Variants in ITGA9 observed in about 807,000 individuals in gnomAD.
ITGA9 encodes integrin subunit alpha 9.
ITGA9 carries 56 observed loss-of-function variants against 127.8 expected under a neutral mutation model. The ratio of observed to expected loss-of-function variants is 0.44; its 90% CI spans 0.35 to 0.55. ITGA9 has a LOEUF of 0.55. Ranked by LOEUF, ITGA9 falls within the 20% of genes least tolerant of loss-of-function variation. The pLI is 0.00. For missense variants in ITGA9, 1,196 were observed against 1,347.1 expected, an observed-to-expected ratio of 0.89 and a Z score of 1.76; for synonymous variants, 508 against 514.5, an observed-to-expected ratio of 0.99 and a Z score of 0.17.
At chr3:37,783,297 C>T (rs1303841653) in intron 25 of ITGA9, among the ~76,000 whole-genome samples, 6 of 151,982 alleles carry the variant, frequency 3.9e-5, no homozygotes, top group South Asian at 2.1e-4. Context: ...TCATCATTAT[C>T]GTTATTAATA....
intron 25 of ITGA9, among the ~76,000 whole-genome samples, chr3:37,782,458 C>T (rs540716825): frequency 3.6e-5 from 5 of 139,794 alleles, no homozygotes; most frequent in African/African-American, 9.8e-5. Context: ...CCAGTAGAGC[C>T]GCAGGCAAGA....
intron 25 of ITGA9, among the ~76,000 whole-genome samples, chr3:37,781,691 G>A (rs1415771170): frequency 1.3e-5 from 2 of 152,188 alleles, no homozygotes; most frequent in African/African-American, 4.8e-5. Flanking sequence ...TAGCCTCAGA[G>A]ATTCCAATTA....
rs1165205191 is a variant in ITGA9 at position 37,799,404 on chromosome 3, A to C, written c.2890-4419A>C. ...ATGTTGGCCAGACTGGTCAAGTATGAACATTTTCAGATGAGCAATAATGAG... is the reference window on the plus strand; with the variant it reads ...ATGTTGGCCAGACTGGTCAAGTATGCACATTTTCAGATGAGCAATAATGAG... On this transcript the variant is annotated intron_variant, in intron 26 of 27. Coordinates refer to ENST00000264741, the MANE Select transcript of ITGA9 (RefSeq NM_002207.3). This position sits in a 1 kb window ranked among gnomAD's most constrained non-coding sequence, Gnocchi z 4.0. Among the ~76,000 whole-genome samples the C allele has an allele frequency of 6.6e-6, 1 of 152,118 alleles. No homozygotes were observed. Among genetic ancestry groups the C allele is most frequent in the African/African-American group, 2.4e-5 (1 of 41,432 alleles).
At chr3:37,726,817 G>A (rs992357411) in intron 18 of ITGA9, among the ~76,000 whole-genome samples, 1 of 152,234 alleles carries the variant, frequency 6.6e-6, no homozygotes, top group African/African-American at 2.4e-5. Context: ...ACGGAAATGA[G>A]TACGCATAAA....
At chr3:37,479,680 G>A (rs1184436816) in intron 3 of ITGA9, among the ~76,000 whole-genome samples, 1 of 152,208 alleles carries the variant, frequency 6.6e-6, no homozygotes, top group Non-Finnish European at 1.5e-5. Flanking sequence ...CACCAGGCCT[G>A]CCCCAGGGGG....
In ITGA9 at chr3:37,452,390, G is replaced by A. The variant is rs1698201069; in HGVS notation, c.16G>A (p.Ala6Thr). The A allele has an allele frequency of 3.0e-6, 4 of 1,332,700 alleles. No individual in the cohort carries two copies. Among genetic ancestry groups the A allele is most frequent in the East Asian group, 3.3e-5 (1 of 29,866 alleles). 82.6% of individuals were successfully genotyped at this position (1,332,700 alleles called of 1,614,324 possible). ...CCGGCTGGGGATGGGCGGCCCGGCT[G>A]CGCCGAGGGGCGCCGGGAGGCTCCG... MGGPA[A>T]PRGAGRLRAL... Residue 6 changes from alanine (A) to threonine (T), a missense_variant, in exon 1 of 28, where the codon GCG (alanine) becomes ACG (threonine). Coordinates refer to ENST00000264741, the MANE Select transcript of ITGA9 (RefSeq NM_002207.3). This position sits in a 1 kb window ranked among gnomAD's most constrained non-coding sequence, Gnocchi z 7.3.
chr3:37,495,216 G>A (rs1698715592), intron 5 of ITGA9, among the ~76,000 whole-genome samples: 1 of 152,142 alleles, frequency 6.6e-6, no homozygotes, highest in African/African-American at 2.4e-5. Context: ...GCTTCCCAAA[G>A]TGCTAGGATT....
At chr3:37,735,693 C>G (rs1353818770) in intron 19 of ITGA9, among the ~76,000 whole-genome samples, 2 of 152,246 alleles carry the variant, frequency 1.3e-5, no homozygotes, top group African/African-American at 2.4e-5. Flanking sequence ...CTCCCACATT[C>G]TCACACATGC....
Position 37,452,549 on chromosome 3 carries a change from A to G in ITGA9, c.175A>G (p.Asn59Asp). ...GYAVLEHFHDNTRWVLVGAPK... is the reference protein window; with the variant it reads ...GYAVLEHFHDDTRWVLVGAPK... ...CGCAGTTCTGGAGCATTTCCACGAC[A>G]ACACGCGCTGGTGAGTGCCCGCCCG... Residue 59 changes from asparagine to aspartate, a missense_variant, in exon 1 of 28, where the codon AAC (asparagine) becomes GAC (aspartate). Transcript: ENST00000264741. This position sits in a 1 kb window ranked among gnomAD's most constrained non-coding sequence, Gnocchi z 7.3. 6.6e-6 allele frequency: 10 copies of G among 1,522,404 alleles called. No homozygotes were observed. The highest frequency in any genetic ancestry group is 8.8e-6 in the Non-Finnish European group (10 of 1,134,558). 94.3% of individuals were successfully genotyped at this position (1,522,404 alleles called of 1,614,324 possible). A position where few individuals can be genotyped will look rare whatever the true frequency, so the allele number is the denominator to read the frequency against.
intron 23 of ITGA9, among the ~76,000 whole-genome samples, chr3:37,764,393 T>C (rs1443669232): frequency 7.0e-6 from 1 of 142,084 alleles, no homozygotes; most frequent in Non-Finnish European, 1.5e-5. Flanking sequence ...TTAGTCCTAA[T>C]AATTTCTCTA....
chr3:37,500,772 G>T (rs1698779593), intron 5 of ITGA9, among the ~76,000 whole-genome samples: 1 of 152,160 alleles, frequency 6.6e-6, no homozygotes, highest in Admixed American at 6.5e-5. Flanking sequence ...AACCTGAAAA[G>T]ATCTGTTTCT....
chr3:37,553,110 A>T (rs1441785100), intron 15 of ITGA9, among the ~76,000 whole-genome samples: 1 of 152,086 alleles, frequency 6.6e-6, no homozygotes, highest in Non-Finnish European at 1.5e-5. Context: ...CTTCACCCAG[A>T]TTCCCTAAAT....
chr3:37,483,602 G>A (rs947651685), intron 4 of ITGA9, among the ~76,000 whole-genome samples: 1 of 152,228 alleles, frequency 6.6e-6, no homozygotes, highest in Non-Finnish European at 1.5e-5. Context: ...CCAGTGTGGA[G>A]CACACATCTA....
In ITGA9 at chr3:37,682,748, C is replaced by G. The variant is rs142650269; in HGVS notation, c.1917-1117C>G. Among the ~76,000 whole-genome samples the G allele has an allele frequency of 2.3e-3, 357 of 152,298 alleles. 1 individual carries two copies. The highest frequency in any genetic ancestry group is 8.0e-3 in the African/African-American group (333 of 41,564). ...CTCTTCTAGTTATTGAATCCAAAAT[C>G]CTTGAAGCAGTCCTTGACTCCTCTT... On this transcript the variant is annotated intron_variant, in intron 17 of 27. Transcript: ENST00000264741.
At chr3:37,604,312 A>T (rs186059196) in intron 15 of ITGA9, among the ~76,000 whole-genome samples, 2 of 152,354 alleles carry the variant, frequency 1.3e-5, no homozygotes, top group Non-Finnish European at 2.9e-5. Flanking sequence ...ATTTAGTCAG[A>T]CACATTTTTC....
At chr3:37,723,508 G>A (rs1019155868) in intron 18 of ITGA9, among the ~76,000 whole-genome samples, 2 of 152,074 alleles carry the variant, frequency 1.3e-5, no homozygotes, top group Admixed American at 1.3e-4. Flanking sequence ...CTACAGATGT[G>A]TGCTACTACA....
At chr3:37,570,635 C>T (rs1374013130) in intron 15 of ITGA9, among the ~76,000 whole-genome samples, 1 of 152,194 alleles carries the variant, frequency 6.6e-6, no homozygotes, top group East Asian at 1.9e-4. Context: ...AACATTTGCA[C>T]CTTTCACCAT....
At chr3:37,676,098 C>G (rs1020225831) in intron 17 of ITGA9, among the ~76,000 whole-genome samples, 2 of 152,162 alleles carry the variant, frequency 1.3e-5, no homozygotes, top group Admixed American at 1.3e-4. Context: ...GTCTACTTCA[C>G]AAGCAGTAAC....
chr3:37,732,819 CCTT>C (rs1696310132), intron 19 of ITGA9, 21 bp downstream of exon 19: 1 of 1,568,708 alleles, frequency 6.4e-7, no homozygotes, highest in Admixed American at 1.8e-5. Flanking sequence ...CAGACGGGAC[CCTT>C]CCTCAGCAGC....
Sources: allele counts gnomAD v4.1 joint callset (sites outside exome capture counted in the v4.1 genomes callset), GRCh38; gene constraint gnomAD v4.1.1; non-coding constraint Gnocchi (gnomAD v3.1); transcripts MANE v1.5; gene names NCBI Gene and HGNC (gene_info 2026-07-23, HGNC 2026-07-21).